XKR6: variants seen among roughly 807,000 people sequenced by gnomAD.
XKR6 encodes XK-related protein 6.
A neutral mutation model predicts 56.7 loss-of-function variants in XKR6; 22 were observed. The ratio of observed to expected loss-of-function variants is 0.39; its 90% CI spans 0.28 to 0.55. XKR6 has a LOEUF of 0.55. Ranked by LOEUF, XKR6 falls within the 20% of genes least tolerant of loss-of-function variation. The pLI is 0.66. For missense variants in XKR6, 852 were observed against 889.0 expected (o/e 0.96, Z 0.53); for synonymous variants, 524 against 387.8 (o/e 1.35, Z -4.13).
chr8:11,119,356 G>A (rs183541732), intron 1 of XKR6, among the ~76,000 whole-genome samples: 63 of 152,238 alleles, frequency 4.1e-4, no homozygotes, highest in African/African-American at 1.5e-3. Flanking sequence ...TCAATTCCTG[G>A]ATAGCCTTGT....
At chr8:11,176,673 G>C (rs967013039) in intron 1 of XKR6, among the ~76,000 whole-genome samples, 1 of 152,086 alleles carries the variant, frequency 6.6e-6, no homozygotes, top group Non-Finnish European at 1.5e-5. Flanking sequence ...GCCACTCTGG[G>C]TGTCATGGTG....
chr8:11,039,073 G>C (rs867098686), intron 1 of XKR6, among the ~76,000 whole-genome samples: 1 of 152,178 alleles, frequency 6.6e-6, no homozygotes, highest in African/African-American at 2.4e-5. Flanking sequence ...CCCAGTGAGA[G>C]CCAGGGAGAC....
chr8:11,168,998 C>T (rs114194871), intron 1 of XKR6, among the ~76,000 whole-genome samples: 7,703 of 152,214 alleles, frequency 0.051, 280 homozygotes, highest in African/African-American at 0.091. Context: ...TATGAATCAT[C>T]GCTTCAGCCT....
At chr8:11,014,259 A>C (rs2129146736) in intron 1 of XKR6, among the ~76,000 whole-genome samples, 1 of 152,332 alleles carries the variant, frequency 6.6e-6, no homozygotes. Context: ...GAGGAAGAAA[A>C]GACTCCAAAG....
chr8:10,958,516 G>A (rs1218673865), intron 1 of XKR6, among the ~76,000 whole-genome samples: 1 of 152,190 alleles, frequency 6.6e-6, no homozygotes, highest in African/African-American at 2.4e-5. Flanking sequence ...CAAGGCTAGT[G>A]GTTTGGGAGG....
At chr8:10,916,308 CT>C (rs771823982) in intron 2 of XKR6, among the ~76,000 whole-genome samples, 2 of 152,152 alleles carry the variant, frequency 1.3e-5, no homozygotes, top group Non-Finnish European at 2.9e-5. Context: ...ATACCTTCAC[CT>C]CACACAACAA....
intron 1 of XKR6, among the ~76,000 whole-genome samples, chr8:11,162,427 G>A (rs1360205806): frequency 1.3e-5 from 2 of 152,068 alleles, no homozygotes; most frequent in African/African-American, 4.8e-5. Context: ...CTAGAGTAGA[G>A]TAATCGTGAT....
chr8:11,034,508 C>T (rs1799088588), intron 1 of XKR6, among the ~76,000 whole-genome samples: 1 of 152,186 alleles, frequency 6.6e-6, no homozygotes, highest in Non-Finnish European at 1.5e-5. Context: ...GTACCTGAAG[C>T]TAGGCAGGTA....
chr8:11,200,518 G>C lies in XKR6; in HGVS notation c.764+58C>G, dbSNP rs1001081419. ...TCGAGGGGCCGCCCCGCGAAGCACCGGGAGGGCGGAGGGGGGCTCCTCAGG... is the reference window on the plus strand; with the variant it reads ...TCGAGGGGCCGCCCCGCGAAGCACCCGGAGGGCGGAGGGGGGCTCCTCAGG... On this transcript the variant is annotated intron_variant, in intron 1 of 2. Coordinates refer to ENST00000416569, the MANE Select transcript of XKR6 (RefSeq NM_173683.4). The surrounding 1 kb of genome is among the most constrained non-coding windows in gnomAD (Gnocchi z 6.4). The C allele has an allele frequency of 4.3e-6, 6 of 1,393,516 alleles. No individual in the cohort carries two copies. The African/African-American group carries it at 4.5e-5, about 11-fold the overall frequency. The allele number at this position is 1,393,516 out of a possible 1,614,324, so 86.3% of individuals were successfully genotyped here.
intron 1 of XKR6, among the ~76,000 whole-genome samples, chr8:11,096,835 G>A (rs888278352): frequency 6.6e-6 from 1 of 152,212 alleles, no homozygotes; most frequent in African/African-American, 2.4e-5. Context: ...AATACCATAT[G>A]AAGAATATGC....
chr8:11,065,927 C>T (rs1477453387), intron 1 of XKR6, among the ~76,000 whole-genome samples: 2 of 152,184 alleles, frequency 1.3e-5, no homozygotes, highest in Non-Finnish European at 2.9e-5. Flanking sequence ...GCCCACAGTA[C>T]CTGGGTTCCT....
intron 1 of XKR6, among the ~76,000 whole-genome samples, chr8:10,988,062 T>C (rs993664260): frequency 6.6e-6 from 1 of 152,230 alleles, no homozygotes; most frequent in African/African-American, 2.4e-5. Context: ...TAAATCAACT[T>C]AATGGGCTGT....
chr8:10,966,664 ACT>A (rs1802234352), intron 1 of XKR6, among the ~76,000 whole-genome samples: 1 of 152,048 alleles, frequency 6.6e-6, no homozygotes, highest in African/African-American at 2.4e-5. Context: ...ACAGAGTGAG[ACT>A]CTGTCTCAAA....
chr8:10,959,249 G>A (rs937762502), intron 1 of XKR6, among the ~76,000 whole-genome samples: 1 of 152,154 alleles, frequency 6.6e-6, no homozygotes, highest in Non-Finnish European at 1.5e-5. Flanking sequence ...CCACAGGAGT[G>A]GGAGAGGAAC....
At chr8:11,178,575 T>C (rs1413053700) in intron 1 of XKR6, among the ~76,000 whole-genome samples, 7 of 132,234 alleles carry the variant, frequency 5.3e-5, no homozygotes, top group East Asian at 4.2e-4. Context: ...TATATATATG[T>C]ATATATATAT....
At chr8:11,174,998 TGAAA>T (rs1163848483) in intron 1 of XKR6, 1 of 152,208 alleles carries the variant, frequency 6.6e-6, no homozygotes, top group African/African-American at 2.4e-5. Context: ...GAGAGGAAAC[TGAAA>T]GAATTTGTTG....
chr8:11,185,264 A>C (rs1217312031), intron 1 of XKR6, among the ~76,000 whole-genome samples: 2 of 152,208 alleles, frequency 1.3e-5, no homozygotes, highest in Non-Finnish European at 2.9e-5. Flanking sequence ...TCTTTCTTAA[A>C]TATAGGTATG....
intron 1 of XKR6, among the ~76,000 whole-genome samples, chr8:10,978,015 T>C (rs1293920149): frequency 2.0e-5 from 3 of 152,134 alleles, no homozygotes; most frequent in Non-Finnish European, 4.4e-5. Flanking sequence ...ATTAACATTA[T>C]AAACCTAGTG....
intron 1 of XKR6, among the ~76,000 whole-genome samples, chr8:11,150,470 G>A (rs1454733185): frequency 1.3e-5 from 2 of 152,190 alleles, no homozygotes; most frequent in African/African-American, 2.4e-5. Context: ...TCCCCCCGGG[G>A]TTCTGGAAAC....
Sources: allele counts gnomAD v4.1 joint callset (sites outside exome capture counted in the v4.1 genomes callset), GRCh38; gene constraint gnomAD v4.1.1; non-coding constraint Gnocchi (gnomAD v3.1); transcripts MANE v1.5; gene names NCBI Gene and HGNC (gene_info 2026-07-23, HGNC 2026-07-21).